The following GHR variants were observed in gnomAD, a reference collection of about 807,000 sequenced individuals.
GHR encodes growth hormone receptor, also known as GH receptor.
In GHR, 35 loss-of-function variants were observed where a neutral mutation model predicts 67.1. The ratio of observed to expected loss-of-function variants is 0.52; its 90% confidence interval spans 0.40 to 0.69. The LOEUF (loss-of-function observed/expected upper bound fraction) is 0.69, where lower values mean the gene tolerates loss of function less well. GHR is among the 30% of genes least tolerant of loss of function. The probability of loss-of-function intolerance (pLI) is 0.00; values close to 1 mark genes in which losing one functional copy is unlikely to be tolerated. For synonymous variants in GHR, 272 were observed against 269.1 expected, an observed-to-expected ratio of 1.01 and a Z score of -0.10; for missense variants, 792 against 764.6, an observed-to-expected ratio of 1.04 and a Z score of -0.42.
chr5:42,673,338 A>T (rs1756412406), intron 3 of GHR, among the ~76,000 whole-genome samples: 1 of 152,230 alleles, frequency 6.6e-6, no homozygotes, highest in African/African-American at 2.4e-5. Flanking sequence ...AGCCACTGTG[A>T]AAAGCAGTTT....
chr5:42,513,794 G>A (rs1252448210), intron 1 of GHR, among the ~76,000 whole-genome samples: 1 of 151,478 alleles, frequency 6.6e-6, no homozygotes, highest in Non-Finnish European at 1.5e-5. Flanking sequence ...AAAAAAAAAA[G>A]CTTCAGCAGG....
chr5:42,458,974 A>G (rs937560395), intron 1 of GHR, among the ~76,000 whole-genome samples: 13 of 152,146 alleles, frequency 8.5e-5, no homozygotes, highest in Non-Finnish European at 1.8e-4. Flanking sequence ...ACCAAAAAGT[A>G]AAAGAAAAAC....
chr5:42,570,718 T>C (rs763042630), intron 2 of GHR, among the ~76,000 whole-genome samples: 15 of 152,188 alleles, frequency 9.9e-5, no homozygotes, highest in Non-Finnish European at 2.1e-4. Context: ...TTCCTGCTTT[T>C]AAGGAGCTCA....
At chr5:42,654,324 T>A (rs79508590) in intron 3 of GHR, among the ~76,000 whole-genome samples, 2 of 152,162 alleles carry the variant, frequency 1.3e-5, no homozygotes, top group Non-Finnish European at 2.9e-5. Flanking sequence ...TAGTTTCACA[T>A]AGTAACTGAT....
intron 2 of GHR, among the ~76,000 whole-genome samples, chr5:42,614,758 A>G (rs1386705636): frequency 6.6e-6 from 1 of 151,654 alleles, no homozygotes; most frequent in African/African-American, 2.4e-5. Flanking sequence ...TGATGTACTA[A>G]TTTGCATTTT....
chr5:42,638,615 G>A (rs1459737314), intron 3 of GHR, among the ~76,000 whole-genome samples: 1 of 152,118 alleles, frequency 6.6e-6, no homozygotes, highest in Non-Finnish European at 1.5e-5. Flanking sequence ...CATAGAAAAT[G>A]TACAGTAAAC....
At chr5:42,516,863 T>G (rs1194033883) in intron 1 of GHR, among the ~76,000 whole-genome samples, 1 of 152,178 alleles carries the variant, frequency 6.6e-6, no homozygotes, top group African/African-American at 2.4e-5. Context: ...TGTCAAAAGA[T>G]TTTTTATGGA....
At chr5:42,535,235 C>A (rs886520676) in intron 1 of GHR, among the ~76,000 whole-genome samples, 1 of 152,048 alleles carries the variant, frequency 6.6e-6, no homozygotes, top group Non-Finnish European at 1.5e-5. Context: ...CTTGCCTAAG[C>A]CAATGTCTAG....
At chr5:42,545,074 A>G (rs994087870) in intron 1 of GHR, among the ~76,000 whole-genome samples, 13 of 152,160 alleles carry the variant, frequency 8.5e-5, no homozygotes, top group Admixed American at 3.3e-4. Flanking sequence ...CTCTCAATGC[A>G]TCATGGGTCC....
intron 1 of GHR, among the ~76,000 whole-genome samples, chr5:42,459,460 A>AT (rs1744395964): frequency 1.3e-5 from 2 of 152,190 alleles, no homozygotes; most frequent in Non-Finnish European, 2.9e-5. Flanking sequence ...GAAGCTAAAC[A>AT]TTGGGTACAT....
rs995290681 is a variant in GHR at position 42,478,963 on chromosome 5, C to A, written c.-12+55008C>A. Among the ~76,000 whole-genome samples the A allele has an allele frequency of 2.5e-3, 384 of 152,102 alleles. 1 individual carries two copies. Among genetic ancestry groups the A allele is most frequent in the Non-Finnish European group, 3.0e-3 (206 of 67,958 alleles). On this transcript the variant is annotated intron_variant, in intron 1 of 9. Coordinates refer to ENST00000230882, the MANE Select transcript of GHR (RefSeq NM_000163.5). ...AGAAAGGGCATCCCTGTTTTGTGCCCGTTTTCAAAGGGAATGTTTCCAGTT... is the reference window on the plus strand; with the variant it reads ...AGAAAGGGCATCCCTGTTTTGTGCCAGTTTTCAAAGGGAATGTTTCCAGTT...
At chr5:42,685,347 T>G (rs1238936980) in intron 3 of GHR, among the ~76,000 whole-genome samples, 1 of 152,234 alleles carries the variant, frequency 6.6e-6, no homozygotes, top group African/African-American at 2.4e-5. Flanking sequence ...CTATCACTGA[T>G]GGGCATTTGG....
chr5:42,525,296 G>C (rs1747660217), intron 1 of GHR, among the ~76,000 whole-genome samples: 1 of 152,246 alleles, frequency 6.6e-6, no homozygotes, highest in African/African-American at 2.4e-5. Context: ...ACCTGGATGT[G>C]AGACATGGAG....
At chr5:42,564,670 C>A (rs981432107) in intron 1 of GHR, among the ~76,000 whole-genome samples, 8 of 152,156 alleles carry the variant, frequency 5.3e-5, no homozygotes, top group Non-Finnish European at 1.0e-4. Flanking sequence ...TGTAGAATTA[C>A]ACAGCCATTG....
At chr5:42,593,088 T>C (rs372958211) in intron 2 of GHR, among the ~76,000 whole-genome samples, 5 of 152,346 alleles carry the variant, frequency 3.3e-5, no homozygotes, top group African/African-American at 9.6e-5. Flanking sequence ...AAAATGCTAG[T>C]TAATTATACA....
At chr5:42,465,788 C>A in intron 1 of GHR, 1 of 799,444 alleles carries the variant, frequency 1.3e-6, no homozygotes, top group Non-Finnish European at 2.3e-6. Flanking sequence ...CATTTCACGT[C>A]CACTGCCCTC....
At chr5:42,564,664 G>A (rs1749823799) in intron 1 of GHR, among the ~76,000 whole-genome samples, 1 of 152,158 alleles carries the variant, frequency 6.6e-6, no homozygotes, top group Non-Finnish European at 1.5e-5. Flanking sequence ...TCCCTATGTA[G>A]AATTACACAG....
In GHR at chr5:42,565,851, T is replaced by A; in HGVS notation, c.-11-13T>A. 4 of 1,613,962 alleles carry A rather than the reference T, an allele frequency of 2.5e-6. No individual in the cohort carries two copies. The highest frequency in any genetic ancestry group is 3.4e-6 in the Non-Finnish European group (4 of 1,179,836). On this transcript the variant is annotated splice_polypyrimidine_tract_variant and intron_variant, in intron 1 of 9. Transcript: ENST00000230882. ...AATTGCTGGGCTTTACCTTACCCTTTTTGTGATTGCAGGTCCTACAGGTAT... is the reference window on the plus strand; with the variant it reads ...AATTGCTGGGCTTTACCTTACCCTTATTGTGATTGCAGGTCCTACAGGTAT...
chr5:42,464,781 A>G (rs951265342), intron 1 of GHR, among the ~76,000 whole-genome samples: 1 of 152,214 alleles, frequency 6.6e-6, no homozygotes, highest in Middle Eastern at 3.2e-3. Context: ...GCACACACAC[A>G]GGATGCACTT....
Sources: gnomAD v4.1 joint callset for allele counts (sites outside exome capture counted in the v4.1 genomes callset) on GRCh38, gnomAD v4.1.1 for gene constraint, MANE v1.5 for transcripts, NCBI Gene and HGNC (gene_info 2026-07-23, HGNC 2026-07-21) for gene names.